SLC15A2: variants seen among roughly 807,000 people sequenced by gnomAD.
SLC15A2 encodes the protein solute carrier family 15 member 2.
SLC15A2 carries 77 observed loss-of-function variants against 95.5 expected under a neutral mutation model. The ratio of observed to expected loss-of-function variants is 0.81; its 90% CI spans 0.67 to 0.97. SLC15A2 has a LOEUF of 0.97. Among genes scored for constraint, SLC15A2 ranks in the 50% least tolerant of loss-of-function variants. SLC15A2 has a pLI of 0.00. For synonymous variants in SLC15A2, 306 were observed against 306.9 expected (o/e 1.00, Z 0.03); for missense variants, 893 against 874.4 (o/e 1.02, Z -0.27).
In SLC15A2 at chr3:121,928,483, T is replaced by C; in HGVS notation, c.1269T>C (p.Asp423=). 6.2e-7 allele frequency: 1 copy of C among 1,614,106 alleles called. No individual in the cohort carries two copies. The highest frequency in any genetic ancestry group is 8.5e-7 in the Non-Finnish European group (1 of 1,179,966). ...TCCTACAAGTCTTGAATCTGGCAGA[T>C]GATGAGGTGAAGGTGACAGTGGTGG... ...EVFLQVLNLA[D]DEVKVTVVGN... is the part of the protein sequence containing the mutation. The change falls in exon 15 of 22, where the codon GAT becomes GAC. Residue 423 remains aspartate, a synonymous_variant. Coordinates refer to ENST00000489711, the MANE Select transcript of SLC15A2 (RefSeq NM_021082.4).
At chr3:121,907,085 T>G (rs1027700985) in intron 3 of SLC15A2, among the ~76,000 whole-genome samples, 11 of 152,234 alleles carry the variant, frequency 7.2e-5, no homozygotes, top group Non-Finnish European at 1.6e-4. Flanking sequence ...CTCTTCTTGC[T>G]TATTTCATTT....
intron 19 of SLC15A2, among the ~76,000 whole-genome samples, chr3:121,933,446 T>C (rs1710272948): frequency 6.6e-6 from 1 of 151,684 alleles, no homozygotes; most frequent in Admixed American, 6.6e-5. Context: ...TTTTTAATGA[T>C]TGCCATTCTA....
In SLC15A2 at chr3:121,922,824, G is replaced by A. The variant is rs774984863; in HGVS notation, c.830G>A (p.Arg277Gln). 1.6e-5 allele frequency: 26 copies of A among 1,613,866 alleles called. 1 individual carries two copies. The highest frequency in any genetic ancestry group is 4.5e-5 in the East Asian group (2 of 44,894). ...AACCGTTCTGGAGACATTCCAAAGC[G>A]ACAGCACTGGCTAGACTGGGCGGCT... Reference protein sequence around the residue: ...FKNRSGDIPKRQHWLDWAAEK... With the variant: ...FKNRSGDIPKQQHWLDWAAEK... The change falls in exon 9 of 22, where the codon CGA becomes CAA. Residue 277 changes from arginine to glutamine, a missense_variant. Coordinates refer to ENST00000489711, the MANE Select transcript of SLC15A2 (RefSeq NM_021082.4).
chr3:121,934,281 T>C, intron 19 of SLC15A2, among the ~76,000 whole-genome samples: 1 of 152,234 alleles, frequency 6.6e-6, no homozygotes, highest in Non-Finnish European at 1.5e-5. Flanking sequence ...GTAAAGTAGT[T>C]TTTTCCAATT....
chr3:121,915,251 T>C lies in SLC15A2; in HGVS notation c.553T>C (p.Ser185Pro), dbSNP rs1426355729. The change falls in exon 6 of 22, where the codon TCA becomes CCA. Residue 185 changes from serine to proline, a missense_variant. Ser to Pro is a moderately conservative substitution (Grantham distance 74, BLOSUM62 -1). Coordinates refer to ENST00000489711, the MANE Select transcript of SLC15A2 (RefSeq NM_021082.4). ...GGCAGAGGAACGGACTAGATACTTC[T>C]CAGTCTTCTACCTGTCCATCAATGC... Reference protein sequence around the residue: ...KHAEERTRYFSVFYLSINAGS... With the variant: ...KHAEERTRYFPVFYLSINAGS... 1.2e-6 allele frequency: 2 copies of C among 1,613,682 alleles called. No individual in the cohort carries two copies. The highest frequency in any genetic ancestry group is 4.5e-5 in the East Asian group (2 of 44,866).
chr3:121,923,791 A>C (rs1710056117), intron 11 of SLC15A2, among the ~76,000 whole-genome samples: 2 of 152,182 alleles, frequency 1.3e-5, no homozygotes, highest in South Asian at 4.1e-4. Context: ...TTCTTTTCCT[A>C]GATTAGTGTA....
Position 121,929,055 on chromosome 3 carries a change from A to T in SLC15A2, c.1415A>T (p.Asn472Ile), listed in dbSNP as rs773093212. The change falls in exon 16 of 22, where the codon AAT becomes ATT. Residue 472 changes from asparagine (N) to isoleucine (I), a missense_variant. Coordinates refer to ENST00000489711, the MANE Select transcript of SLC15A2 (RefSeq NM_021082.4). Reference sequence around the variant, plus strand: ...TTTCACTTCCACCTGAAATATCACAATTTGTCTCTCTACACTGAGCATTCT... The same window carrying T: ...TTTCACTTCCACCTGAAATATCACATTTTGTCTCTCTACACTGAGCATTCT... ...QDFHFHLKYH[N>I]LSLYTEHSVQ... is the part of the protein sequence containing the mutation. 3.3e-5 allele frequency: 54 copies of T among 1,614,036 alleles called. No homozygotes were observed. In the South Asian group the frequency reaches 5.6e-4, roughly 17 times the overall value.
chr3:121,915,770 CA>C, intron 7 of SLC15A2, 77 bp downstream of exon 7: 1 of 998,204 alleles, frequency 1.0e-6, no homozygotes, highest in South Asian at 1.3e-5. Flanking sequence ...GCACTTTACA[CA>C]AGCTGTTTCA....
intron 18 of SLC15A2, 91 bp downstream of exon 18, chr3:121,931,041 T>C: frequency 1.3e-6 from 1 of 785,528 alleles, no homozygotes; most frequent in Non-Finnish European, 2.2e-6. Flanking sequence ...CTTAGGTGCA[T>C]GTGGTCTAAT....
In SLC15A2 at chr3:121,894,431, A is replaced by T. The variant is rs1312025531; in HGVS notation, c.-46A>T. 4.6e-5 allele frequency: 70 copies of T among 1,522,544 alleles called. No homozygotes were observed. Among genetic ancestry groups the T allele is most frequent in the Non-Finnish European group, 6.1e-5 (68 of 1,106,530 alleles). The allele number at this position is 1,522,544 out of a possible 1,614,324, so 94.3% of individuals were successfully genotyped here. A position where few individuals can be genotyped will look rare whatever the true frequency, so the allele number is the denominator to read the frequency against. On this transcript the variant is annotated 5_prime_UTR_variant, in exon 1 of 22. Coordinates refer to ENST00000489711, the MANE Select transcript of SLC15A2 (RefSeq NM_021082.4). ...AGGCTGGCAGCTGTCCTAACTGCCT[A>T]CTAAAGCCAAATGCTTGAGGAGAGA...
Position 121,929,011 on chromosome 3 carries a change from G to A in SLC15A2, c.1371G>A (p.Leu457=), listed in dbSNP as rs755705534. The part of the protein sequence containing the change: ...QKTPHYSKLH[L]KTKSQDFHFH... The stretch of plus-strand genomic sequence containing the variant: ...CACCACACTATTCCAAACTGCACCT[G>A]AAAACAAAAAGCCAGGATTTTCACT... Residue 457 remains leucine, a synonymous_variant, in exon 16 of 22, where the codon CTG becomes CTA. Transcript: ENST00000489711. 9 of 1,613,966 alleles carry A rather than the reference G, an allele frequency of 5.6e-6. No individual in the cohort carries two copies. In the South Asian group the frequency reaches 8.8e-5, roughly 16 times the overall value.
At chr3:121,922,957 G>GT (rs1442820724) in intron 9 of SLC15A2, 83 bp from the exon 10 acceptor site, 6 of 1,549,840 alleles carry the variant, frequency 3.9e-6, no homozygotes, top group Admixed American at 1.7e-5. Flanking sequence ...CCTCTCTACT[G>GT]TTTTTTGGAC....
rs754030309 is a variant in SLC15A2, at chr3:121,928,510, A to G, written c.1296A>G (p.Gly432=). 2 of 1,614,158 alleles carry G rather than the reference A, an allele frequency of 1.2e-6. No homozygotes were observed. Among genetic ancestry groups the G allele is most frequent in the East Asian group, 4.5e-5 (2 of 44,886 alleles). Residue 432 remains glycine, a synonymous_variant, in exon 15 of 22, where the codon GGA becomes GGG. Transcript: ENST00000489711. ...ATGAGGTGAAGGTGACAGTGGTGGG[A>G]AATGAAAACAATTCTCTGTTGATAG... The part of the protein sequence containing the change: ...ADDEVKVTVV[G]NENNSLLIES...
Position 121,912,227 on chromosome 3 carries a change from T to TTTTG in SLC15A2, c.428+581_428+584dup, listed in dbSNP as rs148320063. On this transcript the variant is annotated intron_variant, in intron 4 of 21. Transcript: ENST00000489711. ...ATGTATTTATCCTATGAGTTAGAAA[T>TTTTG]TTTGTTTGTTTGTTTGTTTGTTTTT... Among the ~76,000 whole-genome samples, 18 of 152,152 alleles carry TTTTG rather than the reference T, an allele frequency of 1.2e-4. No homozygotes were observed. The East Asian group carries it at 2.1e-3, about 18-fold the overall frequency.
At chr3:121,935,841 T>C (rs996168937) in intron 19 of SLC15A2, among the ~76,000 whole-genome samples, 2 of 152,346 alleles carry the variant, frequency 1.3e-5, no homozygotes, top group South Asian at 4.1e-4. Context: ...TTTCTAGTTC[T>C]TTTAATTGTG....
intron 13 of SLC15A2, 46 bp downstream of exon 13, chr3:121,925,079 T>G: frequency 7.6e-7 from 1 of 1,313,238 alleles, no homozygotes; most frequent in Non-Finnish European, 1.1e-6. Flanking sequence ...ATTGACTCAG[T>G]CTTTGCCCAG....
At chr3:121,938,594 A>T (rs541911429) in intron 19 of SLC15A2, among the ~76,000 whole-genome samples, 1 of 152,212 alleles carries the variant, frequency 6.6e-6, no homozygotes, top group Non-Finnish European at 1.5e-5. Context: ...GCACTTCCCG[A>T]GTGAGGCAAT....
chr3:121,921,132 A>G (rs1162036979), intron 7 of SLC15A2, among the ~76,000 whole-genome samples: 2 of 152,252 alleles, frequency 1.3e-5, no homozygotes, highest in Admixed American at 1.3e-4. Flanking sequence ...ATGGGCTGAA[A>G]GAAACAGAAT....
chr3:121,929,180 C>T, intron 16 of SLC15A2, 34 bp downstream of exon 16: 1 of 1,604,996 alleles, frequency 6.2e-7, no homozygotes, highest in South Asian at 1.1e-5. Context: ...TTTCAGTTGT[C>T]ATCTCAAAGT....
Sources: gnomAD v4.1 joint callset for allele counts (sites outside exome capture counted in the v4.1 genomes callset) on GRCh38, gnomAD v4.1.1 for gene constraint, MANE v1.5 for transcripts, NCBI Gene and HGNC (gene_info 2026-07-23, HGNC 2026-07-21) for gene names.